HOMER2: variants seen among roughly 807,000 people sequenced by gnomAD.
HOMER2 encodes the protein homer protein homolog 2.
A neutral mutation model predicts 47.0 loss-of-function variants in HOMER2; 27 were observed. The ratio of observed to expected loss-of-function variants is 0.57; its 90% CI spans 0.42 to 0.79. HOMER2 has a LOEUF of 0.79. Ranked by LOEUF, HOMER2 falls within the 30% of genes least tolerant of loss-of-function variation. HOMER2 has a pLI of 0.00. For synonymous variants in HOMER2, 161 were observed against 163.8 expected, an observed-to-expected ratio of 0.98 and a Z score of 0.13; for missense variants, 443 against 435.0, an observed-to-expected ratio of 1.02 and a Z score of -0.16.
chr15:82,940,979 A>G (rs1397114903), intron 1 of HOMER2, among the ~76,000 whole-genome samples: 2 of 152,098 alleles, frequency 1.3e-5, no homozygotes, highest in Admixed American at 1.3e-4. Flanking sequence ...ATTACATATA[A>G]CCCTAGAAGC....
exon 2 of HOMER2, chr15:82,840,168 C>CTT (rs2051162225): frequency 6.6e-6 from 1 of 151,914 alleles, no homozygotes; most frequent in Non-Finnish European, 1.5e-5. Context: ...TAGTAACTGT[C>CTT]TTTTATTAAG....
chr15:82,959,868 C>T (rs886464129), intron 1 of HOMER2, among the ~76,000 whole-genome samples: 4 of 152,120 alleles, frequency 2.6e-5, no homozygotes, highest in Non-Finnish European at 5.9e-5. Flanking sequence ...CGGAGAAGAA[C>T]GAAGAAATCC....
chr15:82,977,762 CA>C (rs1243573613), intron 1 of HOMER2, among the ~76,000 whole-genome samples: 2 of 152,092 alleles, frequency 1.3e-5, no homozygotes, highest in Non-Finnish European at 2.9e-5. Flanking sequence ...GTCCAGGAAA[CA>C]AATGTGTTAT....
At chr15:82,857,431 T>C in intron 5 of HOMER2, among the ~76,000 whole-genome samples, 1 of 139,744 alleles carries the variant, frequency 7.2e-6, no homozygotes, top group Non-Finnish European at 1.6e-5. Flanking sequence ...GCTTTTTTTT[T>C]TTTTTTTTTT....
intron 1 of HOMER2, among the ~76,000 whole-genome samples, chr15:82,962,113 G>A (rs572939960): frequency 2.0e-5 from 3 of 149,654 alleles, no homozygotes; most frequent in Middle Eastern, 3.4e-3. Flanking sequence ...ACTCACACCC[G>A]TAATGCCAGC....
At chr15:82,895,656 G>A (rs1425046206) in intron 1 of HOMER2, among the ~76,000 whole-genome samples, 2 of 152,204 alleles carry the variant, frequency 1.3e-5, no homozygotes, top group African/African-American at 2.4e-5. Context: ...GGGCTGGGCT[G>A]GGGGCCCACG....
intron 3 of HOMER2, among the ~76,000 whole-genome samples, chr15:82,872,526 G>T (rs902300003): frequency 6.6e-6 from 1 of 152,108 alleles, no homozygotes. Flanking sequence ...TTTCCTTCTG[G>T]TCTTAAAATC....
chr15:82,894,558 C>T (rs936695205), intron 1 of HOMER2, among the ~76,000 whole-genome samples: 3 of 151,406 alleles, frequency 2.0e-5, no homozygotes, highest in Non-Finnish European at 4.4e-5. Context: ...GTAGTCCCAG[C>T]TACTCGGGAG....
chr15:82,967,120 A>G (rs560833620), intron 1 of HOMER2, among the ~76,000 whole-genome samples: 1 of 152,196 alleles, frequency 6.6e-6, no homozygotes, highest in African/African-American at 2.4e-5. Context: ...GATGGCACAC[A>G]TCTGTGGTCC....
At chr15:82,923,727 C>T (rs995580125) in intron 1 of HOMER2, among the ~76,000 whole-genome samples, 1 of 152,206 alleles carries the variant, frequency 6.6e-6, no homozygotes. Flanking sequence ...CCCACACTCA[C>T]GCAGGGTATG....
chr15:82,868,544 T>A (rs867322182), intron 3 of HOMER2, among the ~76,000 whole-genome samples: 3,036 of 97,552 alleles, frequency 0.031, 88 homozygotes, highest in East Asian at 0.055. Context: ...TATATATATT[T>A]TTTTTTTTTT....
intron 1 of HOMER2, among the ~76,000 whole-genome samples, chr15:82,914,271 G>C (rs2053525767): frequency 1.3e-5 from 2 of 151,046 alleles, no homozygotes; most frequent in South Asian, 4.2e-4. Context: ...CCAGCTACTT[G>C]GGAGGCTGAG....
At chr15:82,928,618 C>T (rs1327069829) in intron 1 of HOMER2, among the ~76,000 whole-genome samples, 1 of 152,082 alleles carries the variant, frequency 6.6e-6, no homozygotes, top group Non-Finnish European at 1.5e-5. Context: ...AAGCTGCATT[C>T]GTTATTCACT....
chr15:82,962,853 A>C (rs1223053538), intron 1 of HOMER2, among the ~76,000 whole-genome samples: 2 of 152,232 alleles, frequency 1.3e-5, no homozygotes, highest in African/African-American at 4.8e-5. Flanking sequence ...CTTTTTATTA[A>C]AACAAGAGGG....
downstream of HOMER2, chr15:82,835,036 T>G (rs985778968): frequency 6.6e-6 from 1 of 152,208 alleles, no homozygotes; most frequent in Non-Finnish European, 1.5e-5. Flanking sequence ...TCTGGTGATA[T>G]TACTCCTGGG....
chr15:82,881,355 G>A (rs368810183), intron 2 of HOMER2, among the ~76,000 whole-genome samples: 20 of 152,284 alleles, frequency 1.3e-4, no homozygotes, highest in Admixed American at 8.5e-4. Context: ...CAGGCCCATC[G>A]GATTCCTTTC....
chr15:82,918,619 C>G (rs2053651090), intron 1 of HOMER2, among the ~76,000 whole-genome samples: 1 of 152,098 alleles, frequency 6.6e-6, no homozygotes, highest in African/African-American at 2.4e-5. Flanking sequence ...GTACCTCCAG[C>G]CCAGGTGTCT....
At chr15:82,874,133 T>TC (rs1890084228) in intron 3 of HOMER2, among the ~76,000 whole-genome samples, 1 of 152,320 alleles carries the variant, frequency 6.6e-6, no homozygotes, top group African/African-American at 2.4e-5. Flanking sequence ...CATCTCTGCA[T>TC]CCTCAGTGCT....
At chr15:82,889,709 A>T (rs1305176949) in intron 2 of HOMER2, among the ~76,000 whole-genome samples, 1 of 152,160 alleles carries the variant, frequency 6.6e-6, no homozygotes, top group African/African-American at 2.4e-5. Flanking sequence ...CTATCACCCT[A>T]GGGTTCTCTC....
Sources: allele counts gnomAD v4.1 joint callset (sites outside exome capture counted in the v4.1 genomes callset), GRCh38; gene constraint gnomAD v4.1.1; transcripts MANE v1.5; gene names NCBI Gene and HGNC (gene_info 2026-07-23, HGNC 2026-07-21).